Variants in RALGAPB observed in about 807,000 individuals in gnomAD.
RALGAPB encodes ral GTPase-activating protein subunit beta.
A neutral mutation model predicts 161.1 loss-of-function variants in RALGAPB; 25 were observed. The observed-to-expected ratio is 0.16, with a 90% CI of 0.11 to 0.22. The LOEUF (loss-of-function observed/expected upper bound fraction) is 0.22. Among genes scored for constraint, RALGAPB ranks in the 10% least tolerant of loss-of-function variants. The probability of loss-of-function intolerance (pLI) is 1.00; values close to 1 mark genes in which losing one functional copy is unlikely to be tolerated. For synonymous variants in RALGAPB, 629 were observed against 626.1 expected (o/e 1.00, Z -0.07); for missense variants, 1,391 against 1,815.2 (o/e 0.77, Z 4.25).
chr20:38,554,257 A>G (rs2087498767), intron 22 of RALGAPB, among the ~76,000 whole-genome samples, 181 bp downstream of exon 22: 1 of 151,998 alleles, frequency 6.6e-6, no homozygotes, highest in African/African-American at 2.4e-5. Flanking sequence ...GTGCTCCAGG[A>G]CAGGTCACCC....
At chr20:38,527,127 T>G (rs375037556) in intron 13 of RALGAPB, among the ~76,000 whole-genome samples, 23 of 152,346 alleles carry the variant, frequency 1.5e-4, no homozygotes, top group African/African-American at 5.3e-4. Flanking sequence ...TGACTTGACC[T>G]TGGCAGTGGT....
chr20:38,549,156 G>T (rs530533081), intron 20 of RALGAPB, among the ~76,000 whole-genome samples: 1 of 152,060 alleles, frequency 6.6e-6, no homozygotes, highest in African/African-American at 2.4e-5. Flanking sequence ...TGATTTGTCC[G>T]CAACAGGACT....
chr20:38,560,628 G>A (rs2087755102), intron 23 of RALGAPB, among the ~76,000 whole-genome samples: 1 of 152,086 alleles, frequency 6.6e-6, no homozygotes, highest in South Asian at 2.1e-4. Context: ...TCAGTGCATT[G>A]TTTTGTATAA....
In RALGAPB at chr20:38,575,014, C is replaced by T. The variant is rs776879592; in HGVS notation, c.*47C>T. On this transcript the variant is annotated 3_prime_UTR_variant, in exon 30 of 30. Coordinates refer to ENST00000262879, the MANE Select transcript of RALGAPB (RefSeq NM_020336.4). ...TTGAACTCCAGTTTGGGAACTATAA[C>T]ACAGCAGAACAGTTTGATAGGTGAT... The T allele has an allele frequency of 1.4e-6, 2 of 1,441,518 alleles. No individual in the cohort carries two copies. Among genetic ancestry groups the T allele is most frequent in the Admixed American group, 1.7e-5 (1 of 59,478 alleles). 89.3% of individuals were successfully genotyped at this position (1,441,518 alleles called of 1,614,324 possible).
chr20:38,499,743 T>C (rs987680285), intron 5 of RALGAPB, 110 bp downstream of exon 5: 15 of 1,066,268 alleles, frequency 1.4e-5, no homozygotes, highest in African/African-American at 1.7e-5. Flanking sequence ...TACTGTACTT[T>C]AGATACAGAA....
At chr20:38,519,555 A>G (rs1036022676) in intron 9 of RALGAPB, among the ~76,000 whole-genome samples, 1 of 152,178 alleles carries the variant, frequency 6.6e-6, no homozygotes, top group Non-Finnish European at 1.5e-5. Context: ...AGTTTGTAAC[A>G]GCTTTGCTCA....
intron 24 of RALGAPB, 78 bp from the exon 25 acceptor site, chr20:38,565,281 A>G: frequency 6.6e-7 from 1 of 1,515,308 alleles, no homozygotes; most frequent in Admixed American, 1.9e-5. Context: ...TTAACCAGTT[A>G]ACATTTCATG....
chr20:38,477,168 G>A (rs924173846), intron 1 of RALGAPB, among the ~76,000 whole-genome samples: 2 of 152,176 alleles, frequency 1.3e-5, no homozygotes, highest in East Asian at 1.9e-4. Flanking sequence ...TGACTTGTAA[G>A]CATTTAAAAT....
intron 14 of RALGAPB, among the ~76,000 whole-genome samples, chr20:38,532,217 G>A (rs1043618811): frequency 6.6e-6 from 1 of 152,002 alleles, no homozygotes; most frequent in Non-Finnish European, 1.5e-5. Context: ...CACTGCGCCC[G>A]GCTAATTTTT....
chr20:38,512,933 G>C (rs953173255), intron 6 of RALGAPB, among the ~76,000 whole-genome samples: 2 of 150,906 alleles, frequency 1.3e-5, no homozygotes, highest in Non-Finnish European at 1.5e-5. Flanking sequence ...CTAATTTTTT[G>C]TATTTTTTAG....
At chr20:38,528,544 G>T (rs895183660) in intron 13 of RALGAPB, among the ~76,000 whole-genome samples, 15 of 151,446 alleles carry the variant, frequency 9.9e-5, no homozygotes, top group Admixed American at 2.6e-4. Flanking sequence ...CTAATTTTTT[G>T]TTGTTGTTAG....
At chr20:38,557,676 T>C (rs1372602393) in intron 22 of RALGAPB, among the ~76,000 whole-genome samples, 1 of 152,258 alleles carries the variant, frequency 6.6e-6, no homozygotes, top group African/African-American at 2.4e-5. Flanking sequence ...GGTTTCTTCA[T>C]TCAGTATGCA....
At chr20:38,477,461 T>C (rs2084839561) in intron 1 of RALGAPB, among the ~76,000 whole-genome samples, 1 of 152,196 alleles carries the variant, frequency 6.6e-6, no homozygotes, top group Non-Finnish European at 1.5e-5. Context: ...TTGTTTCCTG[T>C]AATTCAGGTG....
rs952490576 is a variant in RALGAPB at position 38,571,212 on chromosome 20, T to A, written c.4142+365T>A. Among the ~76,000 whole-genome samples, 9 of 152,328 alleles carry A rather than the reference T, an allele frequency of 5.9e-5. No homozygotes were observed. In the East Asian group the frequency reaches 1.7e-3, roughly 29 times the overall value. On this transcript the variant is annotated intron_variant, in intron 28 of 29. Coordinates refer to ENST00000262879, the MANE Select transcript of RALGAPB (RefSeq NM_020336.4). ...TGCCCACTTAATTCATTATTATTAT[T>A]ATTTTGTAATAAGAACCACTTAACA...
intron 26 of RALGAPB, chr20:38,568,580 CAAAG>C (rs941031146): frequency 3.9e-5 from 6 of 151,996 alleles, no homozygotes; most frequent in African/African-American, 1.2e-4. Context: ...AGATTAGAAA[CAAAG>C]AAGTAAAACT....
intron 1 of RALGAPB, among the ~76,000 whole-genome samples, chr20:38,484,052 G>A (rs10211675): frequency 0.073 from 11,130 of 152,114 alleles, 1,421 homozygotes; most frequent in African/African-American, 0.25. Context: ...GGTGGTGGGC[G>A]CCTGTAGTCC....
chr20:38,553,742 T>C, intron 21 of RALGAPB, 125 bp from the exon 22 acceptor site: 2 of 728,824 alleles, frequency 2.7e-6, no homozygotes, highest in Non-Finnish European at 4.1e-6. Flanking sequence ...AGCCCAGGAG[T>C]TCAAGACCAG....
chr20:38,515,346 A>G (rs1321927503), intron 6 of RALGAPB, among the ~76,000 whole-genome samples: 1 of 152,174 alleles, frequency 6.6e-6, no homozygotes, highest in Non-Finnish European at 1.5e-5. Flanking sequence ...ACTGATTCCT[A>G]TTTCTCAGCC....
At chr20:38,535,593 CTTTT>C (rs35132331) in intron 16 of RALGAPB, among the ~76,000 whole-genome samples, 3 of 141,078 alleles carry the variant, frequency 2.1e-5, no homozygotes, top group East Asian at 4.0e-4. Flanking sequence ...CTGGCTACAC[CTTTT>C]TTTTTTTTTT....
Sources: allele counts gnomAD v4.1 joint callset (sites outside exome capture counted in the v4.1 genomes callset), GRCh38; gene constraint gnomAD v4.1.1; transcripts MANE v1.5; gene names NCBI Gene and HGNC (gene_info 2026-07-23, HGNC 2026-07-21).